Variants in MBTD1 observed in about 807,000 individuals in gnomAD.
MBTD1 encodes the protein MBT domain-containing protein 1.
A neutral mutation model predicts 87.8 loss-of-function variants in MBTD1; 24 were observed. That is an observed-to-expected ratio of 0.27 (90% CI 0.20 to 0.38). MBTD1 has a LOEUF of 0.38. Among genes scored for constraint, MBTD1 ranks in the 10% least tolerant of loss-of-function variants. The pLI is 1.00. For missense variants in MBTD1, 436 were observed against 760.2 expected, an observed-to-expected ratio of 0.57 and a Z score of 5.02; for synonymous variants, 237 against 248.6, an observed-to-expected ratio of 0.95 and a Z score of 0.44.
At chr17:51,260,522 G>A (rs116316923), upstream of MBTD1, 10,624 of 1,502,508 alleles carry the variant, frequency 7.1e-3, 582 homozygotes, top group African/African-American at 0.13. Context: ...GGCCCGCGAG[G>A]GGCCTGGGCG....
chr17:51,242,673 G>C (rs1251638850), intron 2 of MBTD1, among the ~76,000 whole-genome samples: 2 of 152,118 alleles, frequency 1.3e-5, no homozygotes, highest in Non-Finnish European at 2.9e-5. Flanking sequence ...ATACAAATAG[G>C]TGTAACTCAA....
chr17:51,241,755 C>T (rs753164131), intron 2 of MBTD1, among the ~76,000 whole-genome samples: 22 of 151,970 alleles, frequency 1.4e-4, no homozygotes, highest in Admixed American at 6.6e-4. Context: ...TTAGTAGAGA[C>T]GGGTTTCACC....
intron 2 of MBTD1, among the ~76,000 whole-genome samples, chr17:51,255,219 T>G (rs913218916): frequency 4.6e-5 from 7 of 151,886 alleles, no homozygotes; most frequent in African/African-American, 1.7e-4. Context: ...AGGCGGAGAC[T>G]GCAGTGAGCC....
intron 2 of MBTD1, among the ~76,000 whole-genome samples, chr17:51,228,192 G>A (rs1023873837): frequency 2.6e-5 from 4 of 151,972 alleles, no homozygotes; most frequent in Admixed American, 2.6e-4. Flanking sequence ...GACACATAGA[G>A]GAAACAGCAG....
At chr17:51,260,904 T>G (rs747840629), upstream of MBTD1, 1 of 1,590,704 alleles carries the variant, frequency 6.3e-7, no homozygotes, top group African/African-American at 1.4e-5. Flanking sequence ...GACGCGTTGC[T>G]GCGGCGTCTG....
Position 51,203,934 on chromosome 17 carries a change from C to G in MBTD1, c.605-9G>C. 6.3e-7 allele frequency: 1 copy of G among 1,585,682 alleles called. No individual in the cohort carries two copies. Among genetic ancestry groups the G allele is most frequent in the African/African-American group, 1.4e-5 (1 of 73,022 alleles). ...TAAAAGGGCATTGTAACCTGAAACCCAGAAATAAATCACTACATAATAAGA... is the reference window on the plus strand; with the variant it reads ...TAAAAGGGCATTGTAACCTGAAACCGAGAAATAAATCACTACATAATAAGA... On this transcript the variant is annotated splice_polypyrimidine_tract_variant and intron_variant, in intron 7 of 16. Transcript: ENST00000586178.
chr17:51,220,360 G>A lies in MBTD1; in HGVS notation c.258C>T (p.Ser86=). ...VSCSRSYSSN[S]KKASILARLQ... ...GTCTGGCCAAAATGCTTGCCTTCTT[G>A]GAGTTTGACGAGTAACTTCTTGAAC... The change falls in exon 4 of 17, where the codon TCC becomes TCT. Residue 86 remains serine, a synonymous_variant. Coordinates refer to ENST00000586178, the MANE Select transcript of MBTD1 (RefSeq NM_017643.3). The A allele has an allele frequency of 6.4e-7, 1 of 1,550,856 alleles. No individual in the cohort carries two copies. Among genetic ancestry groups the A allele is most frequent in the Non-Finnish European group, 8.7e-7 (1 of 1,146,288 alleles).
intron 6 of MBTD1, among the ~76,000 whole-genome samples, chr17:51,213,729 C>A (rs2052393133): frequency 6.6e-6 from 1 of 151,956 alleles, no homozygotes; most frequent in African/African-American, 2.4e-5. Context: ...GTGATATTAC[C>A]CAATTTTAGT....
rs146119128 is a variant in MBTD1 at position 51,239,510 on chromosome 17, C to T, written c.-48-14301G>A. Reference sequence around the variant, plus strand: ...CCTCTCTACACGTATATTTTTCCCTCTCAACCATTAATGAATGGTTTATAT... The same window carrying T: ...CCTCTCTACACGTATATTTTTCCCTTTCAACCATTAATGAATGGTTTATAT... On this transcript the variant is annotated intron_variant, in intron 2 of 16. Transcript: ENST00000586178. Among the ~76,000 whole-genome samples the T allele has an allele frequency of 4.6e-5, 7 of 152,304 alleles. No homozygotes were observed. The East Asian group carries it at 1.3e-3, about 29-fold the overall frequency.
Position 51,179,488 on chromosome 17 carries a change from A to ATATATATATATATATT in MBTD1, c.*1087_*1088insAATATATATATATATA, listed in dbSNP as rs2050207241. ...TGAATACAATTAAAGACAATTTTAT[A>ATATATATATATATATT]TATATATATATATATATATATATAT... On this transcript the variant is annotated 3_prime_UTR_variant, in exon 17 of 17. Transcript: ENST00000586178. The ATATATATATATATATT allele has an allele frequency of 2.2e-3, 41 of 18,452 alleles. 2 individuals are homozygous for ATATATATATATATATT. The highest frequency in any genetic ancestry group is 3.5e-3 in the Non-Finnish European group (31 of 8,876). The allele number at this position is 18,452 out of a possible 1,614,324, so 1.1% of individuals were successfully genotyped here.
intron 3 of MBTD1, among the ~76,000 whole-genome samples, chr17:51,221,340 CA>C (rs1353619543): frequency 3.3e-5 from 5 of 152,030 alleles, no homozygotes; most frequent in African/African-American, 1.2e-4. Flanking sequence ...AAAAACAAAA[CA>C]AGTTTGACGT....
intron 2 of MBTD1, chr17:51,256,244 C>CT (rs201526612): frequency 1.3e-5 from 2 of 152,258 alleles, no homozygotes; most frequent in East Asian, 3.9e-4. Flanking sequence ...GGAGGCAGGG[C>CT]TGATGTTCAC....
intron 12 of MBTD1, among the ~76,000 whole-genome samples, chr17:51,200,725 G>A (rs1000477365): frequency 9.2e-5 from 14 of 151,626 alleles, no homozygotes; most frequent in African/African-American, 3.2e-4. Flanking sequence ...TTAGCCGGGC[G>A]TGGTGGCATG....
chr17:51,249,688 T>C (rs780413378), intron 2 of MBTD1: 3 of 152,220 alleles, frequency 2.0e-5, no homozygotes, highest in Non-Finnish European at 2.9e-5. Flanking sequence ...CTTTTTTTTC[T>C]GTTCCATCAT....
At chr17:51,251,923 C>A (rs755473033) in intron 2 of MBTD1, among the ~76,000 whole-genome samples, 1 of 152,120 alleles carries the variant, frequency 6.6e-6, no homozygotes, top group Non-Finnish European at 1.5e-5. Context: ...TGCCACAACA[C>A]CTGGGTAATT....
chr17:51,193,609 G>C (rs2050917075), intron 13 of MBTD1, 99 bp from the exon 14 acceptor site: 2 of 708,766 alleles, frequency 2.8e-6, no homozygotes, highest in South Asian at 1.6e-5. Flanking sequence ...TAAGAGCATA[G>C]GTTATATGAT....
chr17:51,187,888 G>C (rs1182127514), intron 16 of MBTD1, among the ~76,000 whole-genome samples: 1 of 150,922 alleles, frequency 6.6e-6, no homozygotes, highest in African/African-American at 2.4e-5. Context: ...AAAAGCAAAG[G>C]GATCTTTATC....
chr17:51,229,214 G>C (rs2053418212), intron 2 of MBTD1, among the ~76,000 whole-genome samples: 1 of 151,892 alleles, frequency 6.6e-6, no homozygotes, highest in African/African-American at 2.4e-5. Context: ...CATTAAGTGA[G>C]TTATAACCAG....
chr17:51,207,045 T>C (rs1484755589), intron 6 of MBTD1, 40 bp from the exon 7 acceptor site: 3 of 1,127,796 alleles, frequency 2.7e-6, no homozygotes, highest in Non-Finnish European at 4.0e-6. Flanking sequence ...CTTATTAACA[T>C]AAAGCCTAAA....
Sources: gnomAD v4.1 joint callset for allele counts (sites outside exome capture counted in the v4.1 genomes callset) on GRCh38, gnomAD v4.1.1 for gene constraint, MANE v1.5 for transcripts, NCBI Gene and HGNC (gene_info 2026-07-23, HGNC 2026-07-21) for gene names.